PRKN: variants seen among roughly 807,000 people sequenced by gnomAD.
The protein encoded by PRKN is parkin RBR E3 ubiquitin protein ligase.
In PRKN, 56 loss-of-function variants were observed where a neutral mutation model predicts 59.5. That is an observed-to-expected ratio of 0.94 (90% CI 0.76 to 1.18). PRKN has a LOEUF of 1.18. Among genes scored for constraint, PRKN ranks in the 50% most tolerant of loss-of-function variants. The pLI is 0.00. For missense variants in PRKN, 657 were observed against 596.4 expected (o/e 1.10, Z -1.06); for synonymous variants, 250 against 222.1 (o/e 1.13, Z -1.12).
intron 3 of PRKN, 42 bp from the exon 4 acceptor site, chr6:162,201,294 T>A: frequency 6.2e-7 from 1 of 1,606,312 alleles, no homozygotes; most frequent in Non-Finnish European, 8.5e-7. Flanking sequence ...TAATGCTGCA[T>A]CTAAATTGAG....
intron 1 of PRKN, among the ~76,000 whole-genome samples, chr6:162,443,728 C>G (rs575634148): frequency 6.6e-6 from 1 of 152,252 alleles, no homozygotes; most frequent in East Asian, 1.9e-4. Flanking sequence ...CCTTTGACAT[C>G]CATCCTGGGA....
At chr6:162,532,571 G>C (rs1320507668) in intron 1 of PRKN, among the ~76,000 whole-genome samples, 1 of 152,110 alleles carries the variant, frequency 6.6e-6, no homozygotes, top group Non-Finnish European at 1.5e-5. Context: ...TTTTATCTCT[G>C]TGTCCTAGCA....
intron 1 of PRKN, among the ~76,000 whole-genome samples, chr6:162,532,357 C>A (rs772630877): frequency 6.6e-6 from 1 of 152,242 alleles, no homozygotes; most frequent in South Asian, 2.1e-4. Context: ...GAGACGTGAG[C>A]ACACATCTCA....
intron 1 of PRKN, among the ~76,000 whole-genome samples, chr6:162,688,853 T>A (rs542039173): frequency 1.3e-5 from 2 of 152,276 alleles, no homozygotes; most frequent in South Asian, 4.1e-4. Flanking sequence ...TCTTTATAAT[T>A]GTGTTTTTAC....
At chr6:162,197,340 G>GA (rs1784535674) in intron 4 of PRKN, among the ~76,000 whole-genome samples, 1 of 152,042 alleles carries the variant, frequency 6.6e-6, no homozygotes. Flanking sequence ...TTTTGTTATT[G>GA]AAAAATTGAA....
chr6:162,571,938 A>C (rs2128208938), intron 1 of PRKN, among the ~76,000 whole-genome samples: 1 of 152,346 alleles, frequency 6.6e-6, no homozygotes, highest in Admixed American at 6.5e-5. Context: ...CAAGTATAAT[A>C]AAGGTACAGA....
intron 7 of PRKN, among the ~76,000 whole-genome samples, chr6:161,590,141 C>T (rs1217244040): frequency 2.0e-5 from 3 of 152,036 alleles, no homozygotes; most frequent in Non-Finnish European, 4.4e-5. Context: ...ATATATTTTA[C>T]ATCTAATTAA....
In PRKN at chr6:161,401,386, A is replaced by C. The variant is rs142554607; in HGVS notation, c.1084-14509T>G. Among the ~76,000 whole-genome samples, 2 of 152,110 alleles carry C rather than the reference A, an allele frequency of 1.3e-5. No homozygotes were observed. The highest frequency in any genetic ancestry group is 4.1e-4 in the South Asian group (2 of 4,828). On this transcript the variant is annotated intron_variant, in intron 9 of 11. Transcript: ENST00000366898. The surrounding 1 kb of genome is among the most constrained non-coding windows in gnomAD (Gnocchi z 4.4). The stretch of plus-strand genomic sequence containing the variant: ...AGCACTTTGGGAAGCCAAGGTGGGC[A>C]GATCACCTGAGGTTAGGAGTTTGAG...
chr6:161,791,864 C>T (rs1461876924), intron 6 of PRKN, among the ~76,000 whole-genome samples: 1 of 152,220 alleles, frequency 6.6e-6, no homozygotes, highest in African/African-American at 2.4e-5. Flanking sequence ...AATGGATTGA[C>T]TCACATGCAA....
chr6:161,666,732 T>C (rs1465397034), intron 7 of PRKN, among the ~76,000 whole-genome samples: 1 of 152,242 alleles, frequency 6.6e-6, no homozygotes, highest in Non-Finnish European at 1.5e-5. Context: ...CTCACTGTCC[T>C]GAATGATATA....
At chr6:162,210,150 C>T (rs1170384992) in intron 3 of PRKN, among the ~76,000 whole-genome samples, 1 of 66,216 alleles carries the variant, frequency 1.5e-5, no homozygotes, top group South Asian at 5.8e-4. Context: ...CAGCACCTCT[C>T]TGGAGCCATG....
chr6:162,151,973 TATA>T (rs1266491219), intron 4 of PRKN, among the ~76,000 whole-genome samples: 1 of 152,160 alleles, frequency 6.6e-6, no homozygotes, highest in African/African-American at 2.4e-5. Context: ...ATCAAATAAT[TATA>T]ATGCTTTATG....
chr6:161,549,624 G>A lies in PRKN; in HGVS notation c.934-621C>T, dbSNP rs571053367. 3.9e-5 allele frequency among the ~76,000 whole-genome samples: 6 copies of A among 151,978 alleles called. No individual in the cohort carries two copies. The highest frequency in any genetic ancestry group is 4.8e-5 in the African/African-American group (2 of 41,336). Reference sequence around the variant, plus strand: ...CCTGATGTCATTTCTTCCTGGTACCGTTTTGCTCAATTTCCTTTAATGGTT... The same window carrying A: ...CCTGATGTCATTTCTTCCTGGTACCATTTTGCTCAATTTCCTTTAATGGTT... On this transcript the variant is annotated intron_variant, in intron 8 of 11. Coordinates refer to ENST00000366898, the MANE Select transcript of PRKN (RefSeq NM_004562.3). The surrounding 1 kb of genome is among the most constrained non-coding windows in gnomAD (Gnocchi z 6.0).
intron 9 of PRKN, among the ~76,000 whole-genome samples, chr6:161,535,769 A>G (rs561486506): frequency 6.6e-6 from 1 of 152,178 alleles, no homozygotes; most frequent in Non-Finnish European, 1.5e-5. Context: ...TGCACCATGT[A>G]GATGAGGGCA....
At chr6:161,706,348 T>C (rs1253696880) in intron 7 of PRKN, among the ~76,000 whole-genome samples, 2 of 152,204 alleles carry the variant, frequency 1.3e-5, no homozygotes, top group Non-Finnish European at 2.9e-5. Context: ...AAGGAAACTG[T>C]CGCTGACTGG....
chr6:161,871,260 A>G (rs546487041), intron 6 of PRKN, among the ~76,000 whole-genome samples: 1 of 152,262 alleles, frequency 6.6e-6, no homozygotes, highest in South Asian at 2.1e-4. Context: ...GTATGATGGT[A>G]TCTCTTCCAG....
At chr6:161,746,810 A>G (rs992401300) in intron 7 of PRKN, among the ~76,000 whole-genome samples, 31 of 148,832 alleles carry the variant, frequency 2.1e-4, no homozygotes, top group African/African-American at 7.4e-4. Context: ...ACAGACATAT[A>G]TATCTATGTA....
Position 162,652,859 on chromosome 6 carries a change from A to T in PRKN, c.7+74803T>A, listed in dbSNP as rs184873734. Among the ~76,000 whole-genome samples the T allele has an allele frequency of 4.0e-4, 61 of 152,322 alleles. 1 individual carries two copies. The East Asian group carries it at 0.011, about 28-fold the overall frequency. ...AACCCCCCGATAAGATTTATTAAAA[A>T]TTCCTTCTAAATGACTAAAAGCTTT... On this transcript the variant is annotated intron_variant, in intron 1 of 11. Coordinates refer to ENST00000366898, the MANE Select transcript of PRKN (RefSeq NM_004562.3).
intron 9 of PRKN, among the ~76,000 whole-genome samples, chr6:161,438,438 T>G (rs892410569): frequency 4.0e-5 from 6 of 151,882 alleles, no homozygotes; most frequent in Non-Finnish European, 7.4e-5. Context: ...AGATGGTCTC[T>G]GTCTCTTGAC....
Sources: allele counts gnomAD v4.1 joint callset (sites outside exome capture counted in the v4.1 genomes callset), GRCh38; gene constraint gnomAD v4.1.1; non-coding constraint Gnocchi (gnomAD v3.1); transcripts MANE v1.5; gene names NCBI Gene and HGNC (gene_info 2026-07-23, HGNC 2026-07-21).